The following DOCK3 variants were observed in gnomAD, a reference collection of about 807,000 sequenced individuals.
DOCK3 encodes the protein dedicator of cytokinesis 3, also known as dedicator of cytokinesis protein 3.
In DOCK3, 60 loss-of-function variants were observed where a neutral mutation model predicts 265.6. That is an observed-to-expected ratio of 0.23 (90% CI 0.18 to 0.28). The LOEUF is 0.28. Ranked by LOEUF, DOCK3 falls within the 10% of genes least tolerant of loss-of-function variation. The pLI, the probability that DOCK3 is intolerant of heterozygous loss-of-function variation, is 1.00. For synonymous variants in DOCK3, 881 were observed against 938.0 expected (o/e 0.94, Z 1.11); for missense variants, 1,981 against 2,594.3 (o/e 0.76, Z 5.14).
At chr3:51,379,420 C>G (rs577810345) in intron 51 of DOCK3, 2 of 985,472 alleles carry the variant, frequency 2.0e-6, no homozygotes, top group East Asian at 2.3e-4. Context: ...AAGTAACCTC[C>G]CTTCATGCCA....
chr3:50,891,401 C>T (rs1256266068), intron 4 of DOCK3, among the ~76,000 whole-genome samples: 3 of 152,038 alleles, frequency 2.0e-5, no homozygotes, highest in African/African-American at 7.2e-5. Context: ...TCTTATTCTT[C>T]CCCTTCTCCT....
chr3:51,068,560 A>AAAAAAAAAAAAAAAAAAAAAAAAGAAG (rs529031027), intron 6 of DOCK3, among the ~76,000 whole-genome samples: 1 of 82,460 alleles, frequency 1.2e-5, no homozygotes. Flanking sequence ...AAAAAAAAAA[A>AAAAAAAAAAAAAAAAAAAAAAAAGAAG]AAGAAGAAGA....
At chr3:51,271,849 A>AG (rs1293686542) in intron 24 of DOCK3, among the ~76,000 whole-genome samples, 2 of 97,002 alleles carry the variant, frequency 2.1e-5, no homozygotes, top group Non-Finnish European at 4.0e-5. Flanking sequence ...AGACTGTCTC[A>AG]GGAAAAAAAA....
intron 27 of DOCK3, among the ~76,000 whole-genome samples, chr3:51,291,078 A>G (rs1043660025): frequency 1.8e-4 from 27 of 152,204 alleles, no homozygotes; most frequent in Non-Finnish European, 4.4e-5. Flanking sequence ...ACTCTATCTC[A>G]AAAATAAAAA....
At chr3:50,827,743 A>G (rs1175696594) in intron 2 of DOCK3, among the ~76,000 whole-genome samples, 3 of 152,092 alleles carry the variant, frequency 2.0e-5, no homozygotes, top group Non-Finnish European at 4.4e-5. Context: ...TATTTAGTCC[A>G]TTTGCACTTT....
At chr3:50,827,153 A>G (rs750978428) in intron 2 of DOCK3, among the ~76,000 whole-genome samples, 41 of 152,354 alleles carry the variant, frequency 2.7e-4, no homozygotes, top group Non-Finnish European at 5.6e-4. Context: ...TCAGACTGAC[A>G]TTGGATTTTA....
At chr3:50,794,217 G>A (rs963459900) in intron 2 of DOCK3, among the ~76,000 whole-genome samples, 5 of 152,184 alleles carry the variant, frequency 3.3e-5, no homozygotes, top group Non-Finnish European at 7.3e-5. Context: ...TGTTGCTTTT[G>A]GGTGGAGAGT....
rs1428371588 is a variant in DOCK3, at chr3:50,675,619, C to T, written c.37+319C>T. ...CACGGGGCAATTTTACCCGATAAAC[C>T]AAATTCTGGGAATATGTTTTCTCCC... On this transcript the variant is annotated intron_variant, in intron 1 of 52. Coordinates refer to ENST00000266037, the MANE Select transcript of DOCK3 (RefSeq NM_004947.5). The surrounding 1 kb of genome is among the most constrained non-coding windows in gnomAD (Gnocchi z 6.1). 6.6e-6 allele frequency among the ~76,000 whole-genome samples: 1 copy of T among 152,186 alleles called. No homozygotes were observed. The highest frequency in any genetic ancestry group is 1.9e-4 in the East Asian group (1 of 5,192).
At chr3:51,216,173 T>C (rs906430609) in intron 14 of DOCK3, among the ~76,000 whole-genome samples, 1 of 152,206 alleles carries the variant, frequency 6.6e-6, no homozygotes, top group Admixed American at 6.5e-5. Context: ...CTTCACATAC[T>C]TCTGGGATTA....
intron 9 of DOCK3, among the ~76,000 whole-genome samples, chr3:51,099,026 A>C (rs947857884): frequency 6.6e-6 from 1 of 152,244 alleles, no homozygotes; most frequent in African/African-American, 2.4e-5. Flanking sequence ...ATGGATGTTT[A>C]AGTGAAACTT....
intron 3 of DOCK3, among the ~76,000 whole-genome samples, chr3:50,854,592 G>GTT (rs71084118): frequency 0.17 from 8,128 of 47,210 alleles, 1,890 homozygotes; most frequent in Middle Eastern, 0.41. Flanking sequence ...CATCACACCA[G>GTT]TTTTTTTTTT....
chr3:51,307,317 A>C (rs535439943), intron 27 of DOCK3, among the ~76,000 whole-genome samples: 1 of 152,010 alleles, frequency 6.6e-6, no homozygotes, highest in Non-Finnish European at 1.5e-5. Context: ...GGATCTTGCT[A>C]TGTTTCCCAA....
At chr3:51,214,600 C>T (rs1049482040) in intron 14 of DOCK3, among the ~76,000 whole-genome samples, 1 of 152,158 alleles carries the variant, frequency 6.6e-6, no homozygotes, top group Non-Finnish European at 1.5e-5. Context: ...ATATAATTGT[C>T]TCACAAGAAC....
At chr3:51,177,568 C>T (rs2087026694) in intron 12 of DOCK3, among the ~76,000 whole-genome samples, 1 of 152,054 alleles carries the variant, frequency 6.6e-6, no homozygotes. Flanking sequence ...CAGGTAAGAA[C>T]AAACCATATA....
At chr3:50,682,908 C>T (rs2034515531) in intron 1 of DOCK3, among the ~76,000 whole-genome samples, 1 of 152,240 alleles carries the variant, frequency 6.6e-6, no homozygotes, top group Admixed American at 6.5e-5. Context: ...CATTGCGCTC[C>T]AGCCTGGGTG....
chr3:50,970,946 TA>T (rs1559878890), intron 5 of DOCK3, among the ~76,000 whole-genome samples: 34 of 71,282 alleles, frequency 4.8e-4, no homozygotes, highest in East Asian at 4.4e-3. Context: ...TATATATATA[TA>T]ATGTGTGTGT....
chr3:51,224,754 G>A (rs2090251901), intron 14 of DOCK3, among the ~76,000 whole-genome samples: 1 of 151,376 alleles, frequency 6.6e-6, no homozygotes, highest in Admixed American at 6.6e-5. Context: ...TTTTAAGTCA[G>A]AAGCCCTTCT....
intron 6 of DOCK3, among the ~76,000 whole-genome samples, chr3:51,065,224 A>C (rs1022429077): frequency 1.3e-5 from 2 of 152,164 alleles, no homozygotes; most frequent in African/African-American, 4.8e-5. Flanking sequence ...AATTGATATA[A>C]ATTTCAGGTG....
intron 10 of DOCK3, among the ~76,000 whole-genome samples, chr3:51,155,129 C>T (rs2085787645): frequency 6.6e-6 from 1 of 151,940 alleles, no homozygotes; most frequent in Admixed American, 6.6e-5. Flanking sequence ...TAGGCGCACA[C>T]CATGCTTGGC....
Sources: allele counts gnomAD v4.1 joint callset (sites outside exome capture counted in the v4.1 genomes callset), GRCh38; gene constraint gnomAD v4.1.1; non-coding constraint Gnocchi (gnomAD v3.1); transcripts MANE v1.5; gene names NCBI Gene and HGNC (gene_info 2026-07-23, HGNC 2026-07-21).